The following EXT1 variants were observed in gnomAD, a reference collection of about 807,000 sequenced individuals.
The protein encoded by EXT1 is exostosin-1.
A neutral mutation model predicts 82.5 loss-of-function variants in EXT1; 20 were observed. The observed-to-expected ratio is 0.24, with a 90% CI of 0.17 to 0.35. The LOEUF is 0.35. EXT1 is among the 10% of genes least tolerant of loss of function. EXT1 has a pLI of 1.00. For missense variants in EXT1, 757 were observed against 936.5 expected (o/e 0.81, Z 2.50); for synonymous variants, 348 against 350.8 (o/e 0.99, Z 0.09).
chr8:118,070,273 T>TGTGTGTGC (rs1817067530), intron 1 of EXT1, among the ~76,000 whole-genome samples: 1 of 138,088 alleles, frequency 7.2e-6, no homozygotes, highest in Non-Finnish European at 1.6e-5. Context: ...TGTGTGTGTG[T>TGTGTGTGC]GTGCATATCA....
At chr8:117,878,367 C>T (rs187302270) in intron 1 of EXT1, among the ~76,000 whole-genome samples, 1 of 152,284 alleles carries the variant, frequency 6.6e-6, no homozygotes, top group Non-Finnish European at 1.5e-5. Flanking sequence ...CCTGAGTATA[C>T]ACTTCAGTAA....
chr8:117,874,990 A>G (rs936403420), intron 1 of EXT1, among the ~76,000 whole-genome samples: 1 of 152,192 alleles, frequency 6.6e-6, no homozygotes, highest in Non-Finnish European at 1.5e-5. Flanking sequence ...GCTTGAAGGA[A>G]CAAAGTATTG....
At chr8:117,970,529 A>T (rs1451634565) in intron 1 of EXT1, among the ~76,000 whole-genome samples, 2 of 151,648 alleles carry the variant, frequency 1.3e-5, no homozygotes. Context: ...CTGGTCTCAA[A>T]CTCCTGACCT....
chr8:117,807,438 T>C lies in EXT1; in HGVS notation c.1723-61A>G, dbSNP rs1190568906. 1.5e-5 allele frequency: 23 copies of C among 1,578,872 alleles called. No individual in the cohort carries two copies. The Admixed American group carries it at 2.5e-4, about 17-fold the overall frequency. Reference sequence around the variant, plus strand: ...AGTGTTAACAAATGTCAACAAAACATTACCTTCTCCCCACTAATTCATAAT... The same window carrying C: ...AGTGTTAACAAATGTCAACAAAACACTACCTTCTCCCCACTAATTCATAAT... On this transcript the variant is annotated intron_variant, in intron 8 of 10. Transcript: ENST00000378204.
intron 1 of EXT1, among the ~76,000 whole-genome samples, chr8:117,878,939 T>C (rs867096086): frequency 5.2e-4 from 79 of 152,202 alleles, no homozygotes; most frequent in African/African-American, 1.8e-3. Context: ...ACCCACGCTG[T>C]AGAGCACCTG....
intron 1 of EXT1, among the ~76,000 whole-genome samples, chr8:117,838,242 G>A (rs1208841722): frequency 6.6e-6 from 1 of 152,160 alleles, no homozygotes; most frequent in Non-Finnish European, 1.5e-5. Context: ...GTGTGACTTT[G>A]ACAGTAGCAT....
At chr8:118,066,189 C>CGTTA (rs1816983224) in intron 1 of EXT1, among the ~76,000 whole-genome samples, 1 of 152,100 alleles carries the variant, frequency 6.6e-6, no homozygotes, top group Non-Finnish European at 1.5e-5. Flanking sequence ...CAAGACTAAC[C>CGTTA]CCTCATCTTC....
intron 1 of EXT1, among the ~76,000 whole-genome samples, chr8:118,010,370 T>C (rs1490801596): frequency 6.5e-5 from 6 of 92,712 alleles, no homozygotes; most frequent in African/African-American, 4.0e-4. Flanking sequence ...AGACTCCGTC[T>C]CAAAAAAAAA....
chr8:118,001,760 A>T (rs1563625802), intron 1 of EXT1, among the ~76,000 whole-genome samples: 1 of 151,970 alleles, frequency 6.6e-6, no homozygotes, highest in African/African-American at 2.4e-5. Flanking sequence ...GAAATTCAGG[A>T]TTTTTTTTCT....
intron 1 of EXT1, among the ~76,000 whole-genome samples, chr8:118,018,936 T>C (rs1816050611): frequency 6.6e-6 from 1 of 152,102 alleles, no homozygotes; most frequent in Admixed American, 6.6e-5. Context: ...GCTTCCCAAA[T>C]GCAATTAAAA....
Position 117,878,983 on chromosome 8 carries a change from G to A in EXT1, c.963-41782C>T, listed in dbSNP as rs761422542. Among the ~76,000 whole-genome samples the A allele has an allele frequency of 3.2e-4, 48 of 152,358 alleles. No individual in the cohort carries two copies. The Middle Eastern group carries it at 0.017, about 54-fold the overall frequency. ...GACGTTACTGTTTTCATGGCAGAAGGAAACATGAGAATGGTGAAGCCATAA... is the reference window on the plus strand; with the variant it reads ...GACGTTACTGTTTTCATGGCAGAAGAAAACATGAGAATGGTGAAGCCATAA... On this transcript the variant is annotated intron_variant, in intron 1 of 10. Coordinates refer to ENST00000378204, the MANE Select transcript of EXT1 (RefSeq NM_000127.3).
At chr8:118,046,185 T>A (rs1816619670) in intron 1 of EXT1, among the ~76,000 whole-genome samples, 1 of 151,968 alleles carries the variant, frequency 6.6e-6, no homozygotes, top group Non-Finnish European at 1.5e-5. Context: ...CTTCCAGGAC[T>A]GGGTCTAGTT....
chr8:117,955,083 T>TA (rs1814561313), intron 1 of EXT1, among the ~76,000 whole-genome samples: 2 of 152,100 alleles, frequency 1.3e-5, no homozygotes, highest in South Asian at 2.1e-4. Context: ...ACTGATTTAT[T>TA]AAAAAGGACA....
At chr8:117,922,293 T>TAAACAAAC (rs750664603) in intron 1 of EXT1, among the ~76,000 whole-genome samples, 1 of 152,000 alleles carries the variant, frequency 6.6e-6, no homozygotes, top group Non-Finnish European at 1.5e-5. Flanking sequence ...GAGGTCTAAG[T>TAAACAAAC]AAACAAACAA....
At chr8:117,983,564 T>TG (rs534868296) in intron 1 of EXT1, among the ~76,000 whole-genome samples, 60 of 152,304 alleles carry the variant, frequency 3.9e-4, no homozygotes, top group Middle Eastern at 6.8e-3. Flanking sequence ...GTCACAGGTA[T>TG]GTTCTAAACA....
chr8:118,016,158 G>A (rs763590543), intron 1 of EXT1, among the ~76,000 whole-genome samples: 3 of 152,188 alleles, frequency 2.0e-5, no homozygotes, highest in East Asian at 1.9e-4. Flanking sequence ...TTGGGAAGCC[G>A]AGGTGGGCAG....
chr8:117,884,069 T>G (rs763049149), intron 1 of EXT1, among the ~76,000 whole-genome samples: 2 of 152,188 alleles, frequency 1.3e-5, no homozygotes, highest in Non-Finnish European at 2.9e-5. Context: ...AGATTCTGCT[T>G]ATGTACATAG....
chr8:118,073,678 A>AGAAGAGAAGG (rs1817147293), intron 1 of EXT1, among the ~76,000 whole-genome samples: 1 of 148,526 alleles, frequency 6.7e-6, no homozygotes, highest in African/African-American at 2.6e-5. Context: ...AGAAGAGAAG[A>AGAAGAGAAGG]GAAGAGAAGA....
intron 1 of EXT1, among the ~76,000 whole-genome samples, chr8:117,858,864 A>G (rs202173461): frequency 0.18 from 7,736 of 43,548 alleles, 370 homozygotes; most frequent in East Asian, 0.28. Context: ...AAAGAAAGAA[A>G]GAAAGAAAGA....
Sources: gnomAD v4.1 joint callset for allele counts (sites outside exome capture counted in the v4.1 genomes callset) on GRCh38, gnomAD v4.1.1 for gene constraint, MANE v1.5 for transcripts, NCBI Gene and HGNC (gene_info 2026-07-23, HGNC 2026-07-21) for gene names.